Variants in PDE12 observed in about 807,000 individuals in gnomAD.
PDE12 encodes the protein 2',5'-phosphodiesterase 12.
In PDE12, 26 loss-of-function variants were observed where a neutral mutation model predicts 45.4. The ratio of observed to expected loss-of-function variants is 0.57; its 90% CI spans 0.42 to 0.79. The LOEUF is 0.79. Among genes scored for constraint, PDE12 ranks in the 30% least tolerant of loss-of-function variants. PDE12 has a pLI of 0.00. For synonymous variants in PDE12, 283 were observed against 323.9 expected (o/e 0.87, Z 1.36); for missense variants, 668 against 790.0 (o/e 0.85, Z 1.85).
At position 57,563,697 on chromosome 3, in the gene PDE12, G is replaced by A. The variant is rs1268473804; in HGVS notation, c.*3693G>A. The A allele has an allele frequency of 1.3e-5, 2 of 152,118 alleles. No homozygotes were observed. Among genetic ancestry groups the A allele is most frequent in the East Asian group, 3.9e-4 (2 of 5,186 alleles). The allele number at this position is 152,118 out of a possible 1,614,324, so 9.4% of individuals were successfully genotyped here. A position where few individuals can be genotyped will look rare whatever the true frequency, so the allele number is the denominator to read the frequency against. ...AGCTGAGGAGTTCAAGACCAGCCTT[G>A]GCAACATTGTGAGACCCTATCTCTG... On this transcript the variant is annotated 3_prime_UTR_variant, in exon 3 of 3. Coordinates refer to ENST00000311180, the MANE Select transcript of PDE12 (RefSeq NM_177966.7).
At chr3:57,634,214 C>T in the PDE12 span, among the ~76,000 whole-genome samples, 1 of 152,008 alleles carries the variant, frequency 6.6e-6, no homozygotes, top group African/African-American at 2.4e-5. Context: ...GGGCGTATCA[C>T]TTAAGGCCAG....
chr3:57,653,917 CT>C, the PDE12 span, among the ~76,000 whole-genome samples: 1 of 144,178 alleles, frequency 6.9e-6, no homozygotes. Flanking sequence ...ACAGCCATGC[CT>C]TGGGAAAATA....
chr3:57,609,676 T>C, the PDE12 span, among the ~76,000 whole-genome samples: 2 of 152,144 alleles, frequency 1.3e-5, no homozygotes, highest in South Asian at 4.2e-4. Flanking sequence ...CTCCCAAGAC[T>C]AAACCAGGAA....
At chr3:57,634,790 AT>A in the PDE12 span, 1 of 1,520,102 alleles carries the variant, frequency 6.6e-7, no homozygotes, top group African/African-American at 1.4e-5. Flanking sequence ...CAGCATAAAG[AT>A]TTTTATAATT....
chr3:57,645,136 G>T, the PDE12 span, among the ~76,000 whole-genome samples: 1 of 152,032 alleles, frequency 6.6e-6, no homozygotes, highest in Non-Finnish European at 1.5e-5. Flanking sequence ...CAACCCAGTC[G>T]CTATTAATGA....
the PDE12 span, among the ~76,000 whole-genome samples, chr3:57,642,130 T>A: frequency 6.6e-6 from 1 of 151,636 alleles, no homozygotes; most frequent in African/African-American, 2.4e-5. Context: ...CTGGCCAACA[T>A]GGTGAAACCC....
At chr3:57,572,133 C>A in the PDE12 span, 3 of 1,137,512 alleles carry the variant, frequency 2.6e-6, no homozygotes, top group Non-Finnish European at 4.0e-6. Flanking sequence ...GTTTAATAAC[C>A]AAGATACAAA....
chr3:57,589,881 A>G, the PDE12 span, among the ~76,000 whole-genome samples: 1 of 151,156 alleles, frequency 6.6e-6, no homozygotes, highest in African/African-American at 2.4e-5. Flanking sequence ...TCATGAGGCC[A>G]GGAGTTTGAA....
chr3:57,575,673 G>A, the PDE12 span: 1 of 1,605,500 alleles, frequency 6.2e-7, no homozygotes, highest in Non-Finnish European at 8.5e-7. Context: ...TCTACCAGAA[G>A]CTGGAAATAA....
chr3:57,638,967 G>A, the PDE12 span, among the ~76,000 whole-genome samples: 4 of 152,040 alleles, frequency 2.6e-5, no homozygotes, highest in South Asian at 2.1e-4. Context: ...GCGTGGTGGC[G>A]TGCACCTGTA....
chr3:57,582,835 GT>G, the PDE12 span, among the ~76,000 whole-genome samples: 1 of 152,206 alleles, frequency 6.6e-6, no homozygotes, highest in African/African-American at 2.4e-5. Context: ...TTAAACAAAG[GT>G]AGAGTGAGAA....
the PDE12 span, among the ~76,000 whole-genome samples, chr3:57,589,098 G>A: frequency 1.5e-4 from 12 of 78,242 alleles, no homozygotes; most frequent in Admixed American, 6.9e-4. Flanking sequence ...GCAAAACTCC[G>A]TCTCAAAAAA....
At chr3:57,598,451 ACTGT>A in the PDE12 span, among the ~76,000 whole-genome samples, 1 of 152,064 alleles carries the variant, frequency 6.6e-6, no homozygotes, top group East Asian at 1.9e-4. Flanking sequence ...CCCTTCAGAG[ACTGT>A]TATTTCTTAG....
chr3:57,616,351 A>G, the PDE12 span, among the ~76,000 whole-genome samples: 16 of 149,294 alleles, frequency 1.1e-4, no homozygotes, highest in East Asian at 2.5e-3. Context: ...AGAAGAAGAA[A>G]AGGAGGAGGA....
At chr3:57,642,289 G>A in the PDE12 span, among the ~76,000 whole-genome samples, 1 of 147,700 alleles carries the variant, frequency 6.8e-6, no homozygotes, top group Non-Finnish European at 1.5e-5. Context: ...ACTCCAGCCT[G>A]GGCAGCAGAG....
chr3:57,557,730 T>C, intron 1 of PDE12, 43 bp downstream of exon 1: 2 of 1,549,948 alleles, frequency 1.3e-6, no homozygotes, highest in Non-Finnish European at 1.8e-6. Context: ...GTCCCACTTT[T>C]AGGGGCCAGG....
At chr3:57,599,359 TTTCTC>T in the PDE12 span, among the ~76,000 whole-genome samples, 1 of 152,230 alleles carries the variant, frequency 6.6e-6, no homozygotes, top group African/African-American at 2.4e-5. Flanking sequence ...CAGCTTGACT[TTTCTC>T]TTTAGCTTAG....
chr3:57,605,849 G>A, the PDE12 span, among the ~76,000 whole-genome samples: 1 of 152,002 alleles, frequency 6.6e-6, no homozygotes, highest in South Asian at 2.1e-4. Flanking sequence ...CAATGTCTGA[G>A]ATGAAAAGTA....
At chr3:57,641,956 A>G in the PDE12 span, among the ~76,000 whole-genome samples, 5 of 152,208 alleles carry the variant, frequency 3.3e-5, no homozygotes, top group Non-Finnish European at 7.3e-5. Context: ...AGCAGCACAC[A>G]GGAAGAAAGA....
Sources: allele counts gnomAD v4.1 joint callset (sites outside exome capture counted in the v4.1 genomes callset), GRCh38; gene constraint gnomAD v4.1.1; transcripts MANE v1.5; gene names NCBI Gene and HGNC (gene_info 2026-07-23, HGNC 2026-07-21).